The following IQSEC1 variants were observed in gnomAD, a reference collection of about 807,000 sequenced individuals.
IQSEC1 encodes IQ motif and Sec7 domain ArfGEF 1.
In IQSEC1, 31 loss-of-function variants were observed where a neutral mutation model predicts 91.0. That is an observed-to-expected ratio of 0.34 (90% CI 0.26 to 0.46). IQSEC1 has a LOEUF of 0.46. IQSEC1 is among the 20% of genes least tolerant of loss of function. The pLI is 1.00. For synonymous variants in IQSEC1, 699 were observed against 662.6 expected, an observed-to-expected ratio of 1.05 and a Z score of -0.84; for missense variants, 1,388 against 1,575.6, an observed-to-expected ratio of 0.88 and a Z score of 2.02.
chr3:13,184,432 C>T (rs1438570373), intron 1 of IQSEC1, among the ~76,000 whole-genome samples: 2 of 152,198 alleles, frequency 1.3e-5, no homozygotes, highest in Non-Finnish European at 2.9e-5. Context: ...GAATTCTCTG[C>T]CCATCAGGAA....
intron 1 of IQSEC1, among the ~76,000 whole-genome samples, chr3:12,947,411 G>A (rs1451766839): frequency 6.6e-6 from 1 of 151,900 alleles, no homozygotes; most frequent in African/African-American, 2.4e-5. Flanking sequence ...TCTTTACACC[G>A]AGGTCTCAGC....
intron 2 of IQSEC1, among the ~76,000 whole-genome samples, chr3:13,156,213 T>C (rs920734363): frequency 3.3e-5 from 5 of 151,818 alleles, no homozygotes; most frequent in Admixed American, 2.0e-4. Context: ...GCCTAGGTGA[T>C]AGAGCGAGAC....
At chr3:13,034,385 G>A (rs1244317346) in intron 1 of IQSEC1, among the ~76,000 whole-genome samples, 1 of 152,232 alleles carries the variant, frequency 6.6e-6, no homozygotes, top group African/African-American at 2.4e-5. Context: ...TGTTTGTGGT[G>A]AGAAGCTCGT....
chr3:12,917,623 GTTTA>G (rs1696225889), intron 6 of IQSEC1, among the ~76,000 whole-genome samples: 1 of 152,180 alleles, frequency 6.6e-6, no homozygotes, highest in Admixed American at 6.5e-5. Context: ...GAGGCACGCA[GTTTA>G]TTTATCCCTT....
chr3:13,029,085 T>C (rs1357039569), intron 1 of IQSEC1, among the ~76,000 whole-genome samples: 1 of 152,208 alleles, frequency 6.6e-6, no homozygotes, highest in East Asian at 1.9e-4. Context: ...TAAAGCTATA[T>C]AGAAGATCAC....
chr3:13,012,090 T>A (rs1702910169), intron 1 of IQSEC1, among the ~76,000 whole-genome samples: 1 of 152,154 alleles, frequency 6.6e-6, no homozygotes, highest in South Asian at 2.1e-4. Flanking sequence ...ACGGTAGGTG[T>A]ACACTAAGTG....
rs182951112 is a variant in IQSEC1 at position 13,267,906 on chromosome 3, C to T, written c.272+14805G>A. Among the ~76,000 whole-genome samples, 335 of 152,284 alleles carry T rather than the reference C, an allele frequency of 2.2e-3. 3 individuals carry two copies. The highest frequency in any genetic ancestry group is 7.7e-3 in the African/African-American group (319 of 41,546). ...TGCTAGGATTACAGGTGTGAACCAC[C>T]GCGCCTGGCCAGAGTCAGCAAATTT... On this transcript the variant is annotated intron_variant, in intron 1 of 15. Transcript: ENST00000648114.
chr3:13,206,531 C>T (rs527434477), intron 1 of IQSEC1, among the ~76,000 whole-genome samples: 4 of 152,266 alleles, frequency 2.6e-5, no homozygotes, highest in South Asian at 2.1e-4. Flanking sequence ...CACATATGAC[C>T]GTAAAAACTC....
At chr3:12,902,406 C>T (rs1014330914) in intron 13 of IQSEC1, among the ~76,000 whole-genome samples, 4 of 151,122 alleles carry the variant, frequency 2.6e-5, no homozygotes, top group African/African-American at 7.3e-5. Flanking sequence ...CCGGGTGGCC[C>T]GGGCGGGGGT....
At chr3:13,209,806 G>A (rs1438298902) in intron 1 of IQSEC1, among the ~76,000 whole-genome samples, 3 of 152,172 alleles carry the variant, frequency 2.0e-5, no homozygotes, top group South Asian at 2.1e-4. Context: ...GCTGCTGTGC[G>A]TGCTCCCTTG....
rs569340073 is a variant in IQSEC1, at chr3:13,064,009, A to C, written c.23+8983T>G. Among the ~76,000 whole-genome samples the C allele has an allele frequency of 2.1e-3, 315 of 152,092 alleles. 2 individuals are homozygous for C. The highest frequency in any genetic ancestry group is 2.3e-3 in the Non-Finnish European group (158 of 67,982). On this transcript the variant is annotated intron_variant, in intron 1 of 13. Transcript: ENST00000613206. ...AGATTCATTTGCAGTTGTAAAAAAA[A>C]AAAAAACAAAAAACAATACAGAGAG...
At chr3:13,257,390 C>T (rs1270642908) in intron 1 of IQSEC1, among the ~76,000 whole-genome samples, 1 of 152,218 alleles carries the variant, frequency 6.6e-6, no homozygotes, top group Non-Finnish European at 1.5e-5. Context: ...CCACACTGAA[C>T]CCCACGCTGT....
At chr3:13,107,426 G>A (rs906940158) in intron 2 of IQSEC1, among the ~76,000 whole-genome samples, 2 of 152,214 alleles carry the variant, frequency 1.3e-5, no homozygotes, top group South Asian at 2.1e-4. Flanking sequence ...AGATGCTTCC[G>A]AGATGTTTAA....
chr3:13,251,169 C>T (rs933355502), intron 1 of IQSEC1, among the ~76,000 whole-genome samples: 2 of 152,226 alleles, frequency 1.3e-5, no homozygotes, highest in African/African-American at 4.8e-5. Context: ...GCTGGCTCTT[C>T]CCAGATGTGT....
intron 1 of IQSEC1, among the ~76,000 whole-genome samples, chr3:13,005,091 A>T (rs1034447023): frequency 6.6e-6 from 1 of 152,334 alleles, no homozygotes. Flanking sequence ...TTATCTAAAA[A>T]TTGGTTCTTA....
intron 1 of IQSEC1, among the ~76,000 whole-genome samples, chr3:12,944,218 C>T (rs1699014114): frequency 6.6e-6 from 1 of 152,252 alleles, no homozygotes; most frequent in Non-Finnish European, 1.5e-5. Flanking sequence ...ACAGCCCCCA[C>T]CCACAGCAGC....
intron 1 of IQSEC1, among the ~76,000 whole-genome samples, chr3:13,261,020 G>A (rs1174252262): frequency 6.6e-6 from 1 of 152,236 alleles, no homozygotes; most frequent in Non-Finnish European, 1.5e-5. Flanking sequence ...ACGGCCTCAA[G>A]CTGCCATCAC....
chr3:13,034,940 G>T (rs753944398), intron 1 of IQSEC1, among the ~76,000 whole-genome samples: 1 of 152,256 alleles, frequency 6.6e-6, no homozygotes, highest in Non-Finnish European at 1.5e-5. Flanking sequence ...CCCCGACAGG[G>T]CACAGTGCTG....
At chr3:13,273,226 C>T (rs927879963) in intron 1 of IQSEC1, among the ~76,000 whole-genome samples, 1 of 152,198 alleles carries the variant, frequency 6.6e-6, no homozygotes. Flanking sequence ...GTCCTGGCTC[C>T]TGGCCACCGT....
Sources: gnomAD v4.1 joint callset for allele counts (sites outside exome capture counted in the v4.1 genomes callset) on GRCh38, gnomAD v4.1.1 for gene constraint, MANE v1.5 for transcripts, NCBI Gene and HGNC (gene_info 2026-07-23, HGNC 2026-07-21) for gene names.